Variants in SFRP4 observed in about 807,000 individuals in gnomAD.
SFRP4 encodes secreted frizzled related protein 4.
In SFRP4, 25 loss-of-function variants were observed where a neutral mutation model predicts 36.3. The observed-to-expected ratio is 0.69, with a 90% CI of 0.50 to 0.96. SFRP4 has a LOEUF of 0.96. Ranked by LOEUF, SFRP4 falls within the 40% of genes least tolerant of loss-of-function variation. The pLI, the probability that SFRP4 is intolerant of heterozygous loss-of-function variation, is 0.00. For missense variants in SFRP4, 487 were observed against 459.6 expected (o/e 1.06, Z -0.54); for synonymous variants, 182 against 168.8 (o/e 1.08, Z -0.60).
rs373224073 is a variant in SFRP4 at position 37,916,340 on chromosome 7, G to T, written c.198C>A (p.Asp66Glu). 7 of 1,614,218 alleles carry T rather than the reference G, an allele frequency of 4.3e-6. No homozygotes were observed. In the South Asian group the frequency reaches 4.4e-5, roughly 10 times the overall value. The change falls in exon 1 of 6, where the codon GAC becomes GAA. Residue 66 changes from aspartate (D) to glutamate (E), a missense_variant. Asp to Glu is a conservative substitution (Grantham distance 45). Coordinates refer to ENST00000436072, the MANE Select transcript of SFRP4 (RefSeq NM_003014.4). The surrounding 1 kb of genome is among the most constrained non-coding windows in gnomAD (Gnocchi z 4.1). ...LAIEQYEELVDVNCSAVLRFF... is the reference protein window; with the variant it reads ...LAIEQYEELVEVNCSAVLRFF... ...AGCGCAGCACGGCGCTGCAGTTCAC[G>T]TCCACCAGCTCCTCGTACTGCTCGA...
chr7:37,915,535 G>C (rs896354181), intron 1 of SFRP4, among the ~76,000 whole-genome samples: 3 of 152,200 alleles, frequency 2.0e-5, no homozygotes, highest in African/African-American at 7.2e-5. Context: ...CAGAGATGGG[G>C]TTAACTAAAA....
rs770492825 is a variant in SFRP4, at chr7:37,916,385, C to A, written c.153G>T (p.Gln51His). 1 of 1,614,232 alleles carries A rather than the reference C, an allele frequency of 6.2e-7. No individual in the cohort carries two copies. Among genetic ancestry groups the A allele is most frequent in the Non-Finnish European group, 8.5e-7 (1 of 1,180,028 alleles). Reference sequence around the variant, plus strand: ...GCTCGATGGCCAGGATGGCGTTCTCCTGCGTGCTGTGGTGCAGGTGGTTGG... The same window carrying A: ...GCTCGATGGCCAGGATGGCGTTCTCATGCGTGCTGTGGTGCAGGTGGTTGG... ...RMPNHLHHST[Q>H]ENAILAIEQY... is the part of the protein sequence containing the mutation. The change falls in exon 1 of 6, where the codon CAG (glutamine) becomes CAT (histidine). Residue 51 changes from glutamine (Q) to histidine (H), a missense_variant. Coordinates refer to ENST00000436072, the MANE Select transcript of SFRP4 (RefSeq NM_003014.4). The surrounding 1 kb of genome is among the most constrained non-coding windows in gnomAD (Gnocchi z 4.1).
In SFRP4 at chr7:37,907,289, T is replaced by C; in HGVS notation, c.*190A>G. The C allele has an allele frequency of 1.9e-6, 1 of 520,754 alleles. No homozygotes were observed. The highest frequency in any genetic ancestry group is 3.4e-6 in the Non-Finnish European group (1 of 296,798). The allele number at this position is 520,754 out of a possible 1,614,324, so 32.3% of individuals were successfully genotyped here. A position where few individuals can be genotyped will look rare whatever the true frequency, so the allele number is the denominator to read the frequency against. ...GTACCAAAGGGCAAACCTACCACTATGGCTTGTGATGGCTTACAAAGAAAA... is the reference window on the plus strand; with the variant it reads ...GTACCAAAGGGCAAACCTACCACTACGGCTTGTGATGGCTTACAAAGAAAA... On this transcript the variant is annotated 3_prime_UTR_variant, in exon 6 of 6. Coordinates refer to ENST00000436072, the MANE Select transcript of SFRP4 (RefSeq NM_003014.4).
rs868004893 is a variant in SFRP4, at chr7:37,916,680, C to T, written c.-143G>A. 59 of 1,288,744 alleles carry T rather than the reference C, an allele frequency of 4.6e-5. No homozygotes were observed. In the Middle Eastern group the frequency reaches 2.6e-3, roughly 56 times the overall value. The allele number at this position is 1,288,744 out of a possible 1,614,324, so 79.8% of individuals were successfully genotyped here. ...TCTTCCCCCAAACTCCAGTCGGCAGCAAAGCGGGGCCGCGGGGTCCGGCCG... is the reference window on the plus strand; with the variant it reads ...TCTTCCCCCAAACTCCAGTCGGCAGTAAAGCGGGGCCGCGGGGTCCGGCCG... On this transcript the variant is annotated 5_prime_UTR_variant, in exon 1 of 6. Coordinates refer to ENST00000436072, the MANE Select transcript of SFRP4 (RefSeq NM_003014.4). The surrounding 1 kb of genome is among the most constrained non-coding windows in gnomAD (Gnocchi z 4.1).
rs1785415083 is a variant in SFRP4, at chr7:37,907,515, C to G, written c.1005G>C (p.Arg335Ser). The G allele has an allele frequency of 6.2e-7, 1 of 1,613,778 alleles. No homozygotes were observed. Among genetic ancestry groups the G allele is most frequent in the African/African-American group, 1.3e-5 (1 of 74,886 alleles). The change falls in exon 6 of 6, where the codon AGG (arginine) becomes AGC (serine). Residue 335 changes from arginine (R) to serine (S), a missense_variant. By Grantham distance (110) the Arg-to-Ser change is moderately radical. Transcript: ENST00000436072. ...TCGGGTTTGTTCTCTTCTGGGCACTCCTAGTTTTAATGTTCTTCTTGGGAC... is the reference window on the plus strand; with the variant it reads ...TCGGGTTTGTTCTCTTCTGGGCACTGCTAGTTTTAATGTTCTTCTTGGGAC... ...PASPKKNIKTRSAQKRTNPKR... is the reference protein window; with the variant it reads ...PASPKKNIKTSSAQKRTNPKR...
Position 37,907,511 on chromosome 7 carries a change from C to G in SFRP4, c.1009G>C (p.Ala337Pro). 1 of 1,613,842 alleles carries G rather than the reference C, an allele frequency of 6.2e-7. No homozygotes were observed. Residue 337 changes from alanine to proline, a missense_variant, in exon 6 of 6, where the codon GCC becomes CCC. Ala to Pro is a conservative substitution (Grantham distance 27, BLOSUM62 -1). Coordinates refer to ENST00000436072, the MANE Select transcript of SFRP4 (RefSeq NM_003014.4). ...CTTTTCGGGTTTGTTCTCTTCTGGG[C>G]ACTCCTAGTTTTAATGTTCTTCTTG... ...SPKKNIKTRS[A>P]QKRTNPKRV
Position 37,914,102 on chromosome 7 carries a change from C to A in SFRP4, c.592+111G>T. ...CATGATCAACTGGAAAAATAGTCAACCTTTTGTTTTCTTTACTTTGTGACT... is the reference window on the plus strand; with the variant it reads ...CATGATCAACTGGAAAAATAGTCAAACTTTTGTTTTCTTTACTTTGTGACT... On this transcript the variant is annotated intron_variant, in intron 3 of 5. Transcript: ENST00000436072. The A allele has an allele frequency of 3.8e-6, 3 of 798,848 alleles. No individual in the cohort carries two copies. The East Asian group carries it at 7.6e-5, about 20-fold the overall frequency. 49.5% of individuals were successfully genotyped at this position (798,848 alleles called of 1,614,324 possible).
intron 5 of SFRP4, among the ~76,000 whole-genome samples, chr7:37,908,088 T>C (rs1785425740): frequency 6.6e-6 from 1 of 152,200 alleles, no homozygotes; most frequent in Admixed American, 6.5e-5. Flanking sequence ...AAGGCTCTTA[T>C]TTCATGGCTA....
In SFRP4 at chr7:37,909,602, G is replaced by A. The variant is rs2131986297; in HGVS notation, c.855+15C>T. ...CACTTACATCCATCTTCACAGCATT[G>A]TTCATGATACTTACTATGGATCTTT... On this transcript the variant is annotated intron_variant, in intron 5 of 5. Transcript: ENST00000436072. 1 of 1,498,900 alleles carries A rather than the reference G, an allele frequency of 6.7e-7. No homozygotes were observed. The highest frequency in any genetic ancestry group is 9.1e-7 in the Non-Finnish European group (1 of 1,100,060). The allele number at this position is 1,498,900 out of a possible 1,614,324, so 92.9% of individuals were successfully genotyped here. A position where few individuals can be genotyped will look rare whatever the true frequency, so the allele number is the denominator to read the frequency against.
At chr7:37,914,971 G>T (rs1785550595) in intron 1 of SFRP4, among the ~76,000 whole-genome samples, 1 of 152,110 alleles carries the variant, frequency 6.6e-6, no homozygotes, top group African/African-American at 2.4e-5. Context: ...AAATCCTCTG[G>T]GGGAATATTT....
In SFRP4 at chr7:37,906,928, T is replaced by C. The variant is rs2131984596; in HGVS notation, c.*551A>G. The C allele has an allele frequency of 6.6e-6, 1 of 152,348 alleles. No homozygotes were observed. Among genetic ancestry groups the C allele is most frequent in the Non-Finnish European group, 1.5e-5 (1 of 68,032 alleles). The allele number at this position is 152,348 out of a possible 1,614,324, so 9.4% of individuals were successfully genotyped here. On this transcript the variant is annotated 3_prime_UTR_variant, in exon 6 of 6. Transcript: ENST00000436072. ...TCCATATGCTACTTCTCTAGATTTT[T>C]CAAAAAATCCCCTTTCATCACAAAA...
chr7:37,913,915 G>A (rs992102553), intron 3 of SFRP4, among the ~76,000 whole-genome samples: 1 of 152,188 alleles, frequency 6.6e-6, no homozygotes. Context: ...CATCAGGGCT[G>A]ATAAGCACTT....
chr7:37,910,705 T>C (rs1785473947), intron 4 of SFRP4, among the ~76,000 whole-genome samples: 1 of 152,150 alleles, frequency 6.6e-6, no homozygotes, highest in Admixed American at 6.5e-5. Context: ...AAAGAATGTA[T>C]TTTTTTACAA....
In SFRP4 at chr7:37,916,329, C is replaced by G; in HGVS notation, c.209G>C (p.Ser70Thr). 1 of 1,614,248 alleles carries G rather than the reference C, an allele frequency of 6.2e-7. No homozygotes were observed. Among genetic ancestry groups the G allele is most frequent in the Non-Finnish European group, 8.5e-7 (1 of 1,180,042 alleles). ...QYEELVDVNC[S>T]AVLRFFLCAM... ...ACAGAGGAAGAAGCGCAGCACGGCG[C>G]TGCAGTTCACGTCCACCAGCTCCTC... The change falls in exon 1 of 6, where the codon AGC becomes ACC. Residue 70 changes from serine to threonine, a missense_variant. Transcript: ENST00000436072. The surrounding 1 kb of genome is among the most constrained non-coding windows in gnomAD (Gnocchi z 4.1).
Position 37,909,650 on chromosome 7 carries a change from T to C in SFRP4, c.822A>G (p.Glu274=). 1.3e-6 allele frequency: 2 copies of C among 1,584,582 alleles called. No homozygotes were observed. Among genetic ancestry groups the C allele is most frequent in the South Asian group, 1.2e-5 (1 of 85,344 alleles). Residue 274 remains glutamate, a synonymous_variant, in exon 5 of 6, where the codon GAA becomes GAG. Transcript: ENST00000436072. ...RMMLLENCLV[E]KWRDQLSKRS... ...TTTTACTAAGCTGATCTCTCCATTT[T>C]TCAACTAAGCAATTTTCAAGAAGCA...
At chr7:37,911,246 G>A (rs1785481303) in intron 4 of SFRP4, among the ~76,000 whole-genome samples, 1 of 152,208 alleles carries the variant, frequency 6.6e-6, no homozygotes. Context: ...CCCAAGTACT[G>A]ATAGAATACA....
chr7:37,912,168 T>G lies in SFRP4; in HGVS notation c.742A>C (p.Ile248Leu). 6.2e-7 allele frequency: 1 copy of G among 1,614,218 alleles called. No individual in the cohort carries two copies. The highest frequency in any genetic ancestry group is 8.5e-7 in the Non-Finnish European group (1 of 1,180,026). ...ATGAGAACATCTTGATGGGGCAGGA[T>G]GTGTGGACACTGGCAAGAAGAATTT... The part of the protein sequence containing the change: ...ITNSSCQCPH[I>L]LPHQDVLIMC... The change falls in exon 4 of 6, where the codon ATC (isoleucine) becomes CTC (leucine). Residue 248 changes from isoleucine to leucine, a missense_variant. Physicochemically the swap from Ile to Leu is conservative, Grantham distance 5. Coordinates refer to ENST00000436072, the MANE Select transcript of SFRP4 (RefSeq NM_003014.4).
At chr7:37,915,970 C>G (rs1029441422) in intron 1 of SFRP4, 123 bp downstream of exon 1, 5 of 1,410,988 alleles carry the variant, frequency 3.5e-6, no homozygotes, top group African/African-American at 1.4e-5. Flanking sequence ...TTCCCCCATT[C>G]TTTCCCACCT....
rs760994958 is a variant in SFRP4, at chr7:37,912,295, A to C, written c.615T>G (p.Ala205=). 1.9e-6 allele frequency: 3 copies of C among 1,613,540 alleles called. No individual in the cohort carries two copies. The highest frequency in any genetic ancestry group is 2.7e-5 in the African/African-American group (2 of 74,926). Residue 205 remains alanine, a synonymous_variant, in exon 4 of 6, where the codon GCT becomes GCG. Transcript: ENST00000436072. ...CCTCATTGCAGCCACTCCTCTGCAC[A>C]GCTTTTATTTTGGCATGAATAACTG... The part of the protein sequence containing the change: ...YSYVIHAKIK[A]VQRSGCNEVT...
Sources: gnomAD v4.1 joint callset for allele counts (sites outside exome capture counted in the v4.1 genomes callset) on GRCh38, gnomAD v4.1.1 for gene constraint, Gnocchi (gnomAD v3.1) non-coding constraint, MANE v1.5 for transcripts, NCBI Gene and HGNC (gene_info 2026-07-23, HGNC 2026-07-21) for gene names.